Variants in GADL1 observed in about 807,000 individuals in gnomAD.
GADL1 encodes GAD like acidic amino acid decarboxylase 1.
Under a neutral mutation model 69.5 loss-of-function variants are expected in GADL1, and 71 were observed. The observed-to-expected ratio is 1.02, with a 90% CI of 0.84 to 1.25. The LOEUF is 1.25. Among genes scored for constraint, GADL1 ranks in the 50% most tolerant of loss-of-function variants. The pLI is 0.00. For synonymous variants in GADL1, 254 were observed against 214.4 expected, an observed-to-expected ratio of 1.18 and a Z score of -1.62; for missense variants, 737 against 631.8, an observed-to-expected ratio of 1.17 and a Z score of -1.79.
At chr3:30,740,393 C>T (rs1369972894) in intron 14 of GADL1, among the ~76,000 whole-genome samples, 5 of 152,108 alleles carry the variant, frequency 3.3e-5, no homozygotes, top group African/African-American at 1.2e-4. Context: ...GGCATTCTTT[C>T]CCAAGTTGGG....
Position 30,844,442 on chromosome 3 carries a change from C to T in GADL1, c.676G>A (p.Ala226Thr). 3 of 1,612,540 alleles carry T rather than the reference C, an allele frequency of 1.9e-6. No individual in the cohort carries two copies. The highest frequency in any genetic ancestry group is 2.5e-6 in the Non-Finnish European group (3 of 1,178,558). The change falls in exon 7 of 15, where the codon GCC (alanine) becomes ACC (threonine). Residue 226 changes from alanine (A) to threonine (T), a missense_variant. By Grantham distance (58) the Ala-to-Thr change is moderately conservative. Coordinates refer to ENST00000282538, the MANE Select transcript of GADL1 (RefSeq NM_207359.3). ...AECHYSMKKA[A>T]SFLGIGTENV... Reference sequence around the variant, plus strand: ...TCAGTGCCAATCCCAAGAAAAGAGGCTGCCTTCTTCATAGAGTAATGACAC... The same window carrying T: ...TCAGTGCCAATCCCAAGAAAAGAGGTTGCCTTCTTCATAGAGTAATGACAC...
intron 14 of GADL1, among the ~76,000 whole-genome samples, chr3:30,731,876 T>G (rs1302474778): frequency 6.6e-6 from 1 of 152,238 alleles, no homozygotes; most frequent in Non-Finnish European, 1.5e-5. Flanking sequence ...AAAGCTGATA[T>G]TCATCAAATC....
chr3:30,781,275 T>C (rs889205458), intron 13 of GADL1, among the ~76,000 whole-genome samples: 10 of 152,208 alleles, frequency 6.6e-5, no homozygotes, highest in East Asian at 5.8e-4. Flanking sequence ...TCTTTATCAA[T>C]TTCAGGAAGA....
chr3:30,864,977 C>G (rs7619470), intron 1 of GADL1, among the ~76,000 whole-genome samples: 25,505 of 151,890 alleles, frequency 0.17, 2,164 homozygotes, highest in African/African-American at 0.21. Context: ...CACATGATGA[C>G]TCCTGCTTAA....
intron 13 of GADL1, among the ~76,000 whole-genome samples, 188 bp downstream of exon 13, chr3:30,786,167 C>T (rs1696784518): frequency 6.6e-6 from 1 of 152,138 alleles, no homozygotes; most frequent in African/African-American, 2.4e-5. Flanking sequence ...CAAGTATATT[C>T]TGTGAATCCA....
chr3:30,739,166 T>G (rs1171175930), intron 14 of GADL1, among the ~76,000 whole-genome samples: 1 of 152,196 alleles, frequency 6.6e-6, no homozygotes, highest in Admixed American at 6.5e-5. Context: ...ATTACTGATT[T>G]TATAGTAGAT....
intron 2 of GADL1, among the ~76,000 whole-genome samples, chr3:30,858,442 A>AG (rs1277521105): frequency 6.6e-6 from 1 of 152,046 alleles, no homozygotes; most frequent in Non-Finnish European, 1.5e-5. Context: ...AGGCAAGAGA[A>AG]GGTGATGATC....
At chr3:30,883,007 G>T (rs1698662050) in intron 1 of GADL1, among the ~76,000 whole-genome samples, 1 of 151,908 alleles carries the variant, frequency 6.6e-6, no homozygotes, top group Admixed American at 6.6e-5. Context: ...CCATTTTTAA[G>T]TTGAGTGATA....
intron 1 of GADL1, among the ~76,000 whole-genome samples, chr3:30,866,731 G>T (rs902149954): frequency 2.6e-5 from 4 of 152,004 alleles, no homozygotes; most frequent in African/African-American, 9.7e-5. Context: ...TGGGTAGGCA[G>T]CTTCCTAGAC....
chr3:30,830,859 A>G lies in GADL1; in HGVS notation c.1050+2994T>C, dbSNP rs537801159. On this transcript the variant is annotated intron_variant, in intron 11 of 14. Transcript: ENST00000282538. ...TGTTTCACTCTCAACTCTTTCCTCC[A>G]GTGATCTTCATCTTCCTAAATGGAA... Among the ~76,000 whole-genome samples the G allele has an allele frequency of 3.3e-4, 50 of 152,078 alleles. No individual in the cohort carries two copies. The East Asian group carries it at 9.3e-3, about 28-fold the overall frequency.
intron 14 of GADL1, among the ~76,000 whole-genome samples, chr3:30,733,640 C>CTCT: frequency 6.6e-6 from 1 of 150,774 alleles, no homozygotes; most frequent in Admixed American, 6.6e-5. Context: ...TTCCTTCCTC[C>CTCT]TTCCCTCCCT....
At chr3:30,879,894 G>A (rs553145781) in intron 1 of GADL1, among the ~76,000 whole-genome samples, 22 of 151,896 alleles carry the variant, frequency 1.4e-4, no homozygotes, top group South Asian at 6.2e-4. Flanking sequence ...GGCAATAGTC[G>A]GAATGATAAA....
intron 1 of GADL1, among the ~76,000 whole-genome samples, chr3:30,883,068 T>C (rs374506767): frequency 9.9e-5 from 15 of 152,008 alleles, no homozygotes; most frequent in African/African-American, 3.6e-4. Context: ...ATCCGACGTA[T>C]TATTTGAGAA....
Position 30,801,126 on chromosome 3 carries a change from A to G in GADL1, c.1051-38T>C, listed in dbSNP as rs773644442. On this transcript the variant is annotated intron_variant, in intron 11 of 14. Transcript: ENST00000282538. ...AAAGATTACAAGACTGTTAAACTTT[A>G]GAATATAACTTGATTTTGAAAGCAA... 4.0e-6 allele frequency: 6 copies of G among 1,502,494 alleles called. No homozygotes were observed. In the South Asian group the frequency reaches 5.7e-5, roughly 14 times the overall value. 93.1% of individuals were successfully genotyped at this position (1,502,494 alleles called of 1,614,324 possible).
intron 14 of GADL1, among the ~76,000 whole-genome samples, chr3:30,772,093 AG>A (rs1265714206): frequency 2.4e-4 from 36 of 152,184 alleles, no homozygotes; most frequent in Non-Finnish European, 3.2e-4. Flanking sequence ...GAAACCTGCC[AG>A]GGAGAATACT....
chr3:30,770,364 A>AC (rs543731812), intron 14 of GADL1, among the ~76,000 whole-genome samples: 39 of 152,360 alleles, frequency 2.6e-4, no homozygotes, highest in African/African-American at 8.4e-4. Context: ...CCTTACACGA[A>AC]CAGACGCTAA....
chr3:30,773,352 A>C (rs1164647333), intron 14 of GADL1, among the ~76,000 whole-genome samples: 1 of 152,172 alleles, frequency 6.6e-6, no homozygotes, highest in African/African-American at 2.4e-5. Flanking sequence ...TAAAGCACTC[A>C]AGGAAATCTG....
At chr3:30,806,263 ATAAT>A in intron 11 of GADL1, among the ~76,000 whole-genome samples, 1 of 152,282 alleles carries the variant, frequency 6.6e-6, no homozygotes, top group African/African-American at 2.4e-5. Context: ...TCATCTTTTA[ATAAT>A]TCATCTAAAA....
At chr3:30,889,084 T>TTAAAA (rs747921613) in intron 1 of GADL1, among the ~76,000 whole-genome samples, 7 of 32,916 alleles carry the variant, frequency 2.1e-4, no homozygotes, top group Non-Finnish European at 3.4e-4. Flanking sequence ...CGGTAATCTA[T>TTAAAA]AAAAAAAAAA....
Sources: allele counts gnomAD v4.1 joint callset (sites outside exome capture counted in the v4.1 genomes callset), GRCh38; gene constraint gnomAD v4.1.1; transcripts MANE v1.5; gene names NCBI Gene and HGNC (gene_info 2026-07-23, HGNC 2026-07-21).